NLRP3: variants seen among roughly 807,000 people sequenced by gnomAD.
NLRP3 encodes the protein NLR family pyrin domain containing 3, also known as NACHT, LRR and PYD domains-containing protein 3.
NLRP3 carries 48 observed loss-of-function variants against 91.3 expected under a neutral mutation model. That is an observed-to-expected ratio of 0.53 (90% CI 0.42 to 0.67). The LOEUF is 0.67. Among genes scored for constraint, NLRP3 ranks in the 30% least tolerant of loss-of-function variants. The pLI is 0.00. For synonymous variants in NLRP3, 561 were observed against 507.9 expected, an observed-to-expected ratio of 1.10 and a Z score of -1.41; for missense variants, 982 against 1,276.9, an observed-to-expected ratio of 0.77 and a Z score of 3.52.
At chr1:247,419,141 T>C (rs1483396845) in intron 2 of NLRP3, 64 bp downstream of exon 2, 1 of 1,224,404 alleles carries the variant, frequency 8.2e-7, no homozygotes, top group Non-Finnish European at 1.1e-6. Context: ...CAATTTTCCA[T>C]CTTTATATAT....
chr1:247,416,636 GCGGAGC>G (rs1426515244), intron 1 of NLRP3, among the ~76,000 whole-genome samples: 126 of 126,264 alleles, frequency 1.0e-3, no homozygotes, highest in Non-Finnish European at 1.5e-3. Flanking sequence ...GGGAGGGTAT[GCGGAGC>G]TAATAGGGCT....
Position 247,426,429 on chromosome 1 carries a change from C to T in NLRP3, c.2150+830C>T, listed in dbSNP as rs994029953. Among the ~76,000 whole-genome samples the T allele has an allele frequency of 3.9e-5, 6 of 152,170 alleles. No homozygotes were observed. In the East Asian group the frequency reaches 9.6e-4, roughly 24 times the overall value. ...TTCAGTGCCTCCTGCAGAAGGACCA[C>T]CCACAGTGGTTGTAGGAAGGTGGCC... On this transcript the variant is annotated intron_variant, in intron 4 of 9. Transcript: ENST00000336119.
chr1:247,433,486 C>T (rs1419146071), intron 5 of NLRP3, among the ~76,000 whole-genome samples: 4 of 152,192 alleles, frequency 2.6e-5, no homozygotes, highest in African/African-American at 4.8e-5. Context: ...TCAATGCACC[C>T]GGCACTGTTT....
intron 2 of NLRP3, among the ~76,000 whole-genome samples, chr1:247,420,877 C>T (rs1382680176): frequency 1.3e-5 from 2 of 152,060 alleles, no homozygotes; most frequent in Admixed American, 6.6e-5. Flanking sequence ...ATGATTAGTC[C>T]CTCTTTATCT....
chr1:247,439,159 A>T (rs1487712594), intron 7 of NLRP3, among the ~76,000 whole-genome samples: 1 of 152,228 alleles, frequency 6.6e-6, no homozygotes, highest in Admixed American at 6.5e-5. Context: ...TGGTATTTAT[A>T]TCAGTAATGT....
chr1:247,424,473 G>A lies in NLRP3; in HGVS notation c.1024G>A (p.Ala342Thr). Residue 342 changes from alanine (A) to threonine (T), a missense_variant, in exon 4 of 10, where the codon GCC becomes ACC. By Grantham distance (58) the Ala-to-Thr change is moderately conservative. Around this residue, in one of 5 missense-constraint regions of NLRP3, gnomAD observed 548 missense variants for 713.7 expected, o/e 0.77. Transcript: ENST00000336119. The surrounding 1 kb of genome is among the most constrained non-coding windows in gnomAD (Gnocchi z 8.1). The part of the protein sequence containing the change: ...SLIRKKLLPE[A>T]SLLITTRPVA... ...CATCAGAAAGAAGCTGCTTCCCGAG[G>A]CCTCTCTGCTCATCACCACGAGACC... The A allele has an allele frequency of 6.2e-7, 1 of 1,614,158 alleles. No individual in the cohort carries two copies. The highest frequency in any genetic ancestry group is 8.5e-7 in the Non-Finnish European group (1 of 1,180,042).
At chr1:247,423,817 T>C in intron 3 of NLRP3, 30 bp from the exon 4 acceptor site, 1 of 1,602,948 alleles carries the variant, frequency 6.2e-7, no homozygotes, top group Non-Finnish European at 8.5e-7. Context: ...GTGTGTATAC[T>C]TTCCCCCTAA....
At chr1:247,441,451 C>A (rs1030956726) in intron 7 of NLRP3, among the ~76,000 whole-genome samples, 2 of 152,028 alleles carry the variant, frequency 1.3e-5, no homozygotes, top group Non-Finnish European at 2.9e-5. Context: ...CAGGGTCTTG[C>A]TATGTTGCCC....
rs764806756 is a variant in NLRP3 at position 247,424,831 on chromosome 1, G to T, written c.1382G>T (p.Cys461Phe). Residue 461 changes from cysteine to phenylalanine, a missense_variant, in exon 4 of 10, where the codon TGC (cysteine) becomes TTC (phenylalanine). Physicochemically the swap from Cys to Phe is radical, Grantham distance 205. Coordinates refer to ENST00000336119, the MANE Select transcript of NLRP3 (RefSeq NM_001243133.2). The surrounding 1 kb of genome is among the most constrained non-coding windows in gnomAD (Gnocchi z 8.1). ...GGAGGGAGCCAGGAGCACGGCCTCT[G>T]CGCCCACCTCTGGGGGCTCTGCTCT... ...PRGGSQEHGL[C>F]AHLWGLCSLA... The T allele has an allele frequency of 6.2e-7, 1 of 1,607,930 alleles. No homozygotes were observed.
chr1:247,419,164 AT>A (rs796602770), intron 2 of NLRP3, 87 bp downstream of exon 2: 932 of 692,478 alleles, frequency 1.3e-3, no homozygotes, highest in Middle Eastern at 1.7e-3. Context: ...ATATATATAT[AT>A]TTTTTTTTGA....
At chr1:247,420,991 C>T (rs574828448) in intron 2 of NLRP3, among the ~76,000 whole-genome samples, 1 of 152,332 alleles carries the variant, frequency 6.6e-6, no homozygotes, top group African/African-American at 2.4e-5. Context: ...TGGGCCTCTG[C>T]TTCCTATGGC....
Position 247,416,709 on chromosome 1 carries a change from T to C in NLRP3, c.-749+516T>C, listed in dbSNP as rs544268635. Among the ~76,000 whole-genome samples the C allele has an allele frequency of 5.7e-4, 78 of 137,824 alleles. 1 individual carries two copies. In the South Asian group the frequency reaches 0.016, roughly 29 times the overall value. 90.4% of individuals were successfully genotyped at this position (137,824 alleles called of 152,430 possible). On this transcript the variant is annotated intron_variant, in intron 1 of 9. Transcript: ENST00000336119. Reference sequence around the variant, plus strand: ...GAGCTGGGAGGGTATGCGGAGCTAATAGGGCTGTCTGGAGAGCAGTCACCT... The same window carrying C: ...GAGCTGGGAGGGTATGCGGAGCTAACAGGGCTGTCTGGAGAGCAGTCACCT...
chr1:247,422,096 G>A (rs1662500816), intron 2 of NLRP3, among the ~76,000 whole-genome samples: 1 of 152,114 alleles, frequency 6.6e-6, no homozygotes, highest in East Asian at 1.9e-4. Context: ...GGTCTTTTAT[G>A]GGCTGGGCGC....
chr1:247,439,978 C>G (rs1020289351), intron 7 of NLRP3, among the ~76,000 whole-genome samples: 5 of 152,110 alleles, frequency 3.3e-5, no homozygotes, highest in Non-Finnish European at 5.9e-5. Context: ...TCAGTCGAGA[C>G]TTTTATGCAT....
intron 7 of NLRP3, among the ~76,000 whole-genome samples, chr1:247,437,799 T>C (rs1663902708): frequency 6.6e-6 from 1 of 152,264 alleles, no homozygotes; most frequent in Non-Finnish European, 1.5e-5. Flanking sequence ...GGTGCTTCTC[T>C]GCTCACGTTT....
Position 247,444,156 on chromosome 1 carries a change from TTTA to T in NLRP3, c.2834+18_2834+20del, listed in dbSNP as rs1193223081. 6.2e-7 allele frequency: 1 copy of T among 1,613,916 alleles called. No homozygotes were observed. Among genetic ancestry groups the T allele is most frequent in the East Asian group, 2.2e-5 (1 of 44,890 alleles). ...TCAGGTGTTGGAGTAAGTCCTTTGGTTTATTACAGCAATGAGAACACATGGTGG... is the reference window on the plus strand; with the variant it reads ...TCAGGTGTTGGAGTAAGTCCTTTGGTTTACAGCAATGAGAACACATGGTGG... On this transcript the variant is annotated intron_variant, in intron 8 of 9. Coordinates refer to ENST00000336119, the MANE Select transcript of NLRP3 (RefSeq NM_001243133.2).
chr1:247,446,331 GC>G (rs1664582410), intron 9 of NLRP3, among the ~76,000 whole-genome samples: 1 of 152,202 alleles, frequency 6.6e-6, no homozygotes, highest in Non-Finnish European at 1.5e-5. Flanking sequence ...AAGGGATTCA[GC>G]TAAAACGTAA....
At chr1:247,438,324 C>T (rs1572211357) in intron 7 of NLRP3, among the ~76,000 whole-genome samples, 2 of 150,806 alleles carry the variant, frequency 1.3e-5, no homozygotes, top group South Asian at 4.2e-4. Context: ...CTCCCTGGAT[C>T]CTGCATTGGC....
In NLRP3 at chr1:247,423,278, A is replaced by G. The variant is rs767430883; in HGVS notation, c.326A>G (p.Asp109Gly). ...VSNPTVICQE[D>G]SIEEEWMGLL... is the part of the protein sequence containing the mutation. ...AATCCCACTGTGATATGCCAGGAAG[A>G]CAGCATTGAAGAGGAGTGGATGGGT... Residue 109 changes from aspartate (D) to glycine (G), a missense_variant, in exon 3 of 10, where the codon GAC becomes GGC. By Grantham distance (94) the Asp-to-Gly change is moderately conservative. Transcript: ENST00000336119. The G allele has an allele frequency of 6.2e-7, 1 of 1,614,144 alleles. No homozygotes were observed. The highest frequency in any genetic ancestry group is 8.5e-7 in the Non-Finnish European group (1 of 1,180,010).
Sources: gnomAD v4.1 joint callset for allele counts (sites outside exome capture counted in the v4.1 genomes callset) on GRCh38, gnomAD v4.1.1 for gene constraint, gnomAD v4.1.1 regional missense constraint, Gnocchi (gnomAD v3.1) non-coding constraint, MANE v1.5 for transcripts, NCBI Gene and HGNC (gene_info 2026-07-23, HGNC 2026-07-21) for gene names.